The following DEPTOR variants were observed in gnomAD, a reference collection of about 807,000 sequenced individuals.
The protein encoded by DEPTOR is DEP domain-containing mTOR-interacting protein.
A neutral mutation model predicts 41.6 loss-of-function variants in DEPTOR; 41 were observed. The observed-to-expected ratio is 0.98, with a 90% CI of 0.77 to 1.28. The LOEUF is 1.28. Ranked by LOEUF, DEPTOR falls within the 50% of genes most tolerant of loss-of-function variation. The probability of loss-of-function intolerance (pLI) is 0.00; values close to 1 mark genes in which losing one functional copy is unlikely to be tolerated. For synonymous variants in DEPTOR, 195 were observed against 192.3 expected (o/e 1.01, Z -0.12); for missense variants, 514 against 527.9 (o/e 0.97, Z 0.26).
intron 4 of DEPTOR, among the ~76,000 whole-genome samples, chr8:119,972,135 C>T (rs896880776): frequency 6.6e-6 from 1 of 152,186 alleles, no homozygotes; most frequent in Non-Finnish European, 1.5e-5. Context: ...TTGGCAAAAG[C>T]TTTTAACACA....
chr8:119,992,871 A>G (rs953075136), intron 4 of DEPTOR, among the ~76,000 whole-genome samples: 1 of 152,028 alleles, frequency 6.6e-6, no homozygotes, highest in African/African-American at 2.4e-5. Flanking sequence ...TGGCCAGGCT[A>G]GTTTCGAACT....
chr8:119,956,260 C>T (rs867975391), intron 3 of DEPTOR, among the ~76,000 whole-genome samples: 6 of 152,154 alleles, frequency 3.9e-5, no homozygotes, highest in African/African-American at 9.7e-5. Flanking sequence ...TAAAATCCCA[C>T]GAAAGGCGTG....
chr8:120,010,053 C>T (rs959901816), intron 8 of DEPTOR, among the ~76,000 whole-genome samples: 1 of 152,068 alleles, frequency 6.6e-6, no homozygotes, highest in Non-Finnish European at 1.5e-5. Context: ...AAAAAGAAAA[C>T]AAAAACCATG....
intron 4 of DEPTOR, among the ~76,000 whole-genome samples, chr8:119,977,157 C>T (rs368202721): frequency 1.3e-5 from 2 of 152,144 alleles, no homozygotes; most frequent in Non-Finnish European, 2.9e-5. Context: ...CGTGCCACCA[C>T]ACCCAGCTAA....
At chr8:119,961,369 T>C (rs1828489045) in intron 3 of DEPTOR, among the ~76,000 whole-genome samples, 1 of 149,442 alleles carries the variant, frequency 6.7e-6, no homozygotes, top group Admixed American at 6.8e-5. Flanking sequence ...TGAGCTGAGA[T>C]TGCATCATTG....
chr8:120,014,961 T>C (rs902507102), intron 8 of DEPTOR, among the ~76,000 whole-genome samples: 1 of 152,064 alleles, frequency 6.6e-6, no homozygotes, highest in Admixed American at 6.6e-5. Context: ...ATACTATCTA[T>C]GATAACCTTA....
intron 8 of DEPTOR, among the ~76,000 whole-genome samples, chr8:120,035,636 A>ATTC (rs1324251574): frequency 6.6e-6 from 1 of 152,122 alleles, no homozygotes; most frequent in Non-Finnish European, 1.5e-5. Context: ...GGTTCAAGTG[A>ATTC]TTCTCATGCC....
At chr8:119,920,368 A>G (rs1563965868) in intron 1 of DEPTOR, among the ~76,000 whole-genome samples, 1 of 152,334 alleles carries the variant, frequency 6.6e-6, no homozygotes, top group Middle Eastern at 3.4e-3. Flanking sequence ...TAGTTGTAAT[A>G]CAGTGCGATG....
intron 4 of DEPTOR, among the ~76,000 whole-genome samples, chr8:119,987,868 C>G (rs1363025911): frequency 6.6e-6 from 1 of 152,152 alleles, no homozygotes; most frequent in Admixed American, 6.5e-5. Context: ...ACCCTTCCCC[C>G]CACCAAGCTC....
chr8:120,020,129 C>T (rs1812677035), intron 8 of DEPTOR, among the ~76,000 whole-genome samples: 3 of 152,048 alleles, frequency 2.0e-5, no homozygotes, highest in South Asian at 4.2e-4. Flanking sequence ...ACTCTGTCAC[C>T]CAGGCTGGAG....
At chr8:119,988,324 C>A (rs181486926) in intron 4 of DEPTOR, among the ~76,000 whole-genome samples, 1 of 152,256 alleles carries the variant, frequency 6.6e-6, no homozygotes, top group East Asian at 1.9e-4. Context: ...CTTCTGCTCG[C>A]CCTCCATGGG....
chr8:119,942,864 T>C (rs1253679196), intron 3 of DEPTOR, among the ~76,000 whole-genome samples: 1 of 152,190 alleles, frequency 6.6e-6, no homozygotes, highest in Non-Finnish European at 1.5e-5. Context: ...TAAAATCCAG[T>C]GGAGTTTCAT....
At chr8:119,999,272 C>CA (rs964792190) in intron 4 of DEPTOR, among the ~76,000 whole-genome samples, 104 of 121,792 alleles carry the variant, frequency 8.5e-4, no homozygotes, top group East Asian at 4.5e-3. Context: ...AATTCTGTCT[C>CA]AAAAAAAAAA....
At chr8:119,879,771 A>T (rs1386711339) in intron 1 of DEPTOR, among the ~76,000 whole-genome samples, 8 of 151,710 alleles carry the variant, frequency 5.3e-5, no homozygotes, top group African/African-American at 1.9e-4. Context: ...GCACTTTGGG[A>T]GGCCGAGGTG....
chr8:119,876,687 T>C (rs1021966987), intron 1 of DEPTOR, among the ~76,000 whole-genome samples: 4 of 151,726 alleles, frequency 2.6e-5, no homozygotes, highest in African/African-American at 4.8e-5. Context: ...ATTTACCTCA[T>C]AGTGTTACTA....
rs748170258 is a variant in DEPTOR at position 120,049,673 on chromosome 8, T to C, written c.1199T>C (p.Val400Ala). The change falls in exon 9 of 9, where the codon GTC (valine) becomes GCC (alanine). Residue 400 changes from valine (V) to alanine (A), a missense_variant. Coordinates refer to ENST00000286234, the MANE Select transcript of DEPTOR (RefSeq NM_022783.4). ...ATTCTGACGGGCCCACGGACGATTG[T>C]CATGGAAGTCATGGAGGAGTTAGAG... The part of the protein sequence containing the change: ...NLILTGPRTI[V>A]MEVMEELEC 28 of 1,613,878 alleles carry C rather than the reference T, an allele frequency of 1.7e-5. No individual in the cohort carries two copies. Among genetic ancestry groups the C allele is most frequent in the Admixed American group, 3.3e-5 (2 of 59,980 alleles).
rs147785227 is a variant in DEPTOR, at chr8:120,011,663, G to C, written c.1101+2530G>C. Reference sequence around the variant, plus strand: ...ACATTGCAACTAAAGACCTTGTTTTGCTTAGCCAAATGTACAGTGAAATTA... The same window carrying C: ...ACATTGCAACTAAAGACCTTGTTTTCCTTAGCCAAATGTACAGTGAAATTA... On this transcript the variant is annotated intron_variant, in intron 8 of 8. Transcript: ENST00000286234. Among the ~76,000 whole-genome samples the C allele has an allele frequency of 2.0e-5, 3 of 152,212 alleles. No homozygotes were observed. The East Asian group carries it at 5.8e-4, about 29-fold the overall frequency.
intron 6 of DEPTOR, 21 bp from the exon 7 acceptor site, chr8:120,006,784 G>C (rs1586655188): frequency 1.9e-6 from 3 of 1,612,710 alleles, no homozygotes; most frequent in Middle Eastern, 3.3e-4. Context: ...CTTATGTCTT[G>C]ACATTGTGTT....
intron 8 of DEPTOR, among the ~76,000 whole-genome samples, chr8:120,018,948 T>C (rs1334257695): frequency 6.6e-6 from 1 of 152,228 alleles, no homozygotes; most frequent in Non-Finnish European, 1.5e-5. Flanking sequence ...TACCATGTGC[T>C]AGGCATTATG....
Sources: allele counts gnomAD v4.1 joint callset (sites outside exome capture counted in the v4.1 genomes callset), GRCh38; gene constraint gnomAD v4.1.1; transcripts MANE v1.5; gene names NCBI Gene and HGNC (gene_info 2026-07-23, HGNC 2026-07-21).